Variants in SH3TC2 observed in about 807,000 individuals in gnomAD.
SH3TC2 encodes SH3 domain and tetratricopeptide repeats 2.
SH3TC2 carries 87 observed loss-of-function variants against 124.5 expected under a neutral mutation model. That is an observed-to-expected ratio of 0.70 (90% CI 0.59 to 0.84). The LOEUF (loss-of-function observed/expected upper bound fraction) is 0.84. Ranked by LOEUF, SH3TC2 falls within the 40% of genes least tolerant of loss-of-function variation. The pLI is 0.00. For missense variants in SH3TC2, 1,536 were observed against 1,566.4 expected, an observed-to-expected ratio of 0.98 and a Z score of 0.33; for synonymous variants, 634 against 628.5, an observed-to-expected ratio of 1.01 and a Z score of -0.13.
chr5:148,986,850 G>A lies in SH3TC2; in HGVS notation c.*17861C>T, dbSNP rs929054900. ...GGACACGTTGTATAAACAGCATCAA[G>A]TGTTAACTTGTTAAAACAGTTACAC... On this transcript the variant is annotated 3_prime_UTR_variant, in exon 17 of 17. Coordinates refer to ENST00000515425, the MANE Select transcript of SH3TC2 (RefSeq NM_024577.4). 6.6e-6 allele frequency among the ~76,000 whole-genome samples: 1 copy of A among 152,118 alleles called. No individual in the cohort carries two copies. The highest frequency in any genetic ancestry group is 1.5e-5 in the Non-Finnish European group (1 of 68,026).
intron 6 of SH3TC2, among the ~76,000 whole-genome samples, chr5:149,041,101 C>G (rs1196089568): frequency 3.9e-5 from 6 of 152,154 alleles, no homozygotes; most frequent in Non-Finnish European, 2.9e-5. Flanking sequence ...GACTCAACCC[C>G]AAGAAAGTCT....
In SH3TC2 at chr5:149,028,188, C is replaced by T. The variant is rs1332716330; in HGVS notation, c.1544G>A (p.Arg515Lys). 6.2e-7 allele frequency: 1 copy of T among 1,614,128 alleles called. No individual in the cohort carries two copies. The highest frequency in any genetic ancestry group is 8.5e-7 in the Non-Finnish European group (1 of 1,180,034). The change falls in exon 11 of 17, where the codon AGA becomes AAA. Residue 515 changes from arginine to lysine, a missense_variant. Around this residue, in one of 3 missense-constraint regions of SH3TC2, gnomAD observed 1,102 missense variants for 1,098.6 expected, o/e 1.00. Transcript: ENST00000515425. The stretch of plus-strand genomic sequence containing the variant: ...CATGTGGCTCTTCTTGGCCCACTTT[C>T]TTGATGCCTCCAGGTAGGCCACAAA... Reference protein sequence around the residue: ...DEFVAYLEASRKWAKKSHMTW... With the variant: ...DEFVAYLEASKKWAKKSHMTW...
intron 4 of SH3TC2, chr5:149,043,585 A>G (rs1237724261): frequency 6.6e-6 from 1 of 150,958 alleles, no homozygotes; most frequent in Non-Finnish European, 1.5e-5. Flanking sequence ...CACAAATCAC[A>G]TGGGGATCTT....
At chr5:149,015,804 T>A (rs545347643) in intron 12 of SH3TC2, among the ~76,000 whole-genome samples, 1 of 152,150 alleles carries the variant, frequency 6.6e-6, no homozygotes, top group Non-Finnish European at 1.5e-5. Flanking sequence ...CACTAATTGG[T>A]CATGTCCTGT....
chr5:149,049,543 G>A (rs1447962382), intron 2 of SH3TC2, among the ~76,000 whole-genome samples: 1 of 152,144 alleles, frequency 6.6e-6, no homozygotes, highest in African/African-American at 2.4e-5. Context: ...AAGGGAGGAG[G>A]AGCACTTAAG....
Position 149,008,850 on chromosome 5 carries a change from C to T in SH3TC2, c.3478+1G>A. 1.2e-6 allele frequency: 2 copies of T among 1,614,110 alleles called. No homozygotes were observed. The highest frequency in any genetic ancestry group is 2.2e-5 in the South Asian group (2 of 91,076). On this transcript the variant is annotated splice_donor_variant, in intron 15 of 16. Coordinates refer to ENST00000515425, the MANE Select transcript of SH3TC2 (RefSeq NM_024577.4). LOFTEE classifies it high-confidence loss of function. ...CACACCCAATAGTGAAGACCACCCA[C>T]CTGTGACTGTGCTGAGCCTGGCGGC... is the stretch of plus-strand genomic sequence containing the variant.
In SH3TC2 at chr5:149,027,475, G is replaced by A. The variant is rs530824367; in HGVS notation, c.2257C>T (p.Arg753Trp). Residue 753 changes from arginine (R) to tryptophan (W), a missense_variant, in exon 11 of 17, where the codon CGG becomes TGG. By Grantham distance (101) the Arg-to-Trp change is moderately radical. This residue lies in a region of SH3TC2 where 1,102 missense variants were observed against 1,098.6 expected (regional missense o/e 1.00). Coordinates refer to ENST00000515425, the MANE Select transcript of SH3TC2 (RefSeq NM_024577.4). ...AGACACAGGGCCCTCTGGGTGCTCC[G>A]GTCTGCTAGTTCCTCACAGGCAGCC... ...ALAACEELAD[R>W]STQRALCLIL... 1.1e-4 allele frequency: 170 copies of A among 1,614,156 alleles called. 1 individual carries two copies. Among genetic ancestry groups the A allele is most frequent in the Middle Eastern group, 1.6e-4 (1 of 6,062 alleles).
At position 148,994,697 on chromosome 5, in the gene SH3TC2, AGGATGGATGGATGGATGGAT is replaced by A. The variant is rs201323132; in HGVS notation, c.*9994_*10013del. On this transcript the variant is annotated 3_prime_UTR_variant, in exon 17 of 17. Transcript: ENST00000515425. ...TTGGATAAATGAATGGATGGATGGA[AGGATGGATGGATGGATGGAT>A]GGATGGATGGATGGATGGATGAATA... is the stretch of plus-strand genomic sequence containing the variant. Among the ~76,000 whole-genome samples the A allele has an allele frequency of 6.9e-6, 1 of 144,734 alleles. No individual in the cohort carries two copies. The highest frequency in any genetic ancestry group is 1.5e-5 in the Non-Finnish European group (1 of 66,164). The allele number at this position is 144,734 out of a possible 152,430, so 95.0% of individuals were successfully genotyped here. A position where few individuals can be genotyped will look rare whatever the true frequency, so the allele number is the denominator to read the frequency against.
rs148073022 is a variant in SH3TC2 at position 149,027,014 on chromosome 5, A to G, written c.2718T>C (p.Tyr906=). 6 of 1,614,042 alleles carry G rather than the reference A, an allele frequency of 3.7e-6. No individual in the cohort carries two copies. The highest frequency in any genetic ancestry group is 5.1e-6 in the Non-Finnish European group (6 of 1,180,046). Residue 906 remains tyrosine, a synonymous_variant, in exon 11 of 17, where the codon TAT becomes TAC. Coordinates refer to ENST00000515425, the MANE Select transcript of SH3TC2 (RefSeq NM_024577.4). ...RNYLLQAVRL[Y]CELQASKETD... is the part of the protein sequence containing the mutation. ...TCTCCTTACTGGCCTGAAGTTCACA[A>G]TAGAGTCGTACAGCCTGCAGGAGAT...
At chr5:149,008,815 T>G in intron 15 of SH3TC2, 36 bp downstream of exon 15, 1 of 1,613,122 alleles carries the variant, frequency 6.2e-7, no homozygotes, top group Non-Finnish European at 8.5e-7. Flanking sequence ...TAATCACCCC[T>G]CTCATTCAAC....
intron 13 of SH3TC2, among the ~76,000 whole-genome samples, chr5:149,011,234 A>G (rs1000164932): frequency 6.6e-5 from 10 of 152,200 alleles, no homozygotes; most frequent in East Asian, 1.9e-4. Flanking sequence ...GCCAGTGAAC[A>G]TTTCATCACT....
At chr5:149,024,868 C>A (rs552097439) in intron 12 of SH3TC2, among the ~76,000 whole-genome samples, 1 of 152,166 alleles carries the variant, frequency 6.6e-6, no homozygotes, top group East Asian at 1.9e-4. Flanking sequence ...TGGCTTCCCC[C>A]TTAATATTTC....
At chr5:149,012,885 A>C in intron 12 of SH3TC2, 151 bp from the exon 13 acceptor site, 2 of 863,712 alleles carry the variant, frequency 2.3e-6, no homozygotes, top group Non-Finnish European at 3.8e-6. Context: ...CTCTACCCCA[A>C]TCAGCTGTGT....
chr5:148,983,312 G>A lies in SH3TC2; in HGVS notation c.*21399C>T, dbSNP rs1161316400. Among the ~76,000 whole-genome samples, 1 of 152,128 alleles carries A rather than the reference G, an allele frequency of 6.6e-6. No individual in the cohort carries two copies. Reference sequence around the variant, plus strand: ...CCACTCTCTCCATCTCTCTGAAGAGGGGCACCTGGGTGTCATGAATACACC... The same window carrying A: ...CCACTCTCTCCATCTCTCTGAAGAGAGGCACCTGGGTGTCATGAATACACC... On this transcript the variant is annotated 3_prime_UTR_variant, in exon 17 of 17. Coordinates refer to ENST00000515425, the MANE Select transcript of SH3TC2 (RefSeq NM_024577.4).
At chr5:149,044,998 G>A (rs1580912351) in intron 3 of SH3TC2, 1 of 192,770 alleles carries the variant, frequency 5.2e-6, no homozygotes, top group East Asian at 1.4e-4. Flanking sequence ...GTGTATGTGG[G>A]AGGATAAAGG....
At chr5:149,029,697 T>A (rs1262646022) in intron 9 of SH3TC2, among the ~76,000 whole-genome samples, 3 of 152,026 alleles carry the variant, frequency 2.0e-5, no homozygotes, top group African/African-American at 7.3e-5. Context: ...CCAAGGTGAC[T>A]TAAAACATAA....
intron 1 of SH3TC2, among the ~76,000 whole-genome samples, chr5:149,061,928 G>T (rs1754757786): frequency 6.6e-6 from 1 of 152,066 alleles, no homozygotes; most frequent in Non-Finnish European, 1.5e-5. Flanking sequence ...CCCTGCTGTA[G>T]GTGCCAAGGT....
rs1180600715 is a variant in SH3TC2, at chr5:149,027,401, G to T, written c.2331C>A (p.Ile777=). 1 of 1,614,146 alleles carries T rather than the reference G, an allele frequency of 6.2e-7. No individual in the cohort carries two copies. Among genetic ancestry groups the T allele is most frequent in the Admixed American group, 1.7e-5 (1 of 60,032 alleles). The change falls in exon 11 of 17, where the codon ATC becomes ATA. Residue 777 remains isoleucine, a synonymous_variant. Transcript: ENST00000515425. ...GCACCAAGGCCTGGCTCAGGTAGTG[G>T]ATGGCACCGTCAGGAGACCTGTGCT... ...YLEHRSPDGA[I]HYLSQALVLG...
chr5:149,044,082 C>A (rs1453829349), intron 4 of SH3TC2: 1 of 187,608 alleles, frequency 5.3e-6, no homozygotes. Context: ...CAGATAATTT[C>A]TCTATTTCTT....
Sources: gnomAD v4.1 joint callset for allele counts (sites outside exome capture counted in the v4.1 genomes callset) on GRCh38, gnomAD v4.1.1 for gene constraint, gnomAD v4.1.1 regional missense constraint, MANE v1.5 for transcripts, NCBI Gene and HGNC (gene_info 2026-07-23, HGNC 2026-07-21) for gene names.